Variants in RPL37 observed in about 807,000 individuals in gnomAD.
RPL37 encodes the protein ribosomal protein L37, also known as large ribosomal subunit protein eL37.
In RPL37, 1 loss-of-function variant was observed where a neutral mutation model predicts 14.8. That is an observed-to-expected ratio of 0.07 (90% CI 0.02 to 0.32). RPL37 has a LOEUF of 0.32. RPL37 is among the 10% of genes least tolerant of loss of function. The pLI, the probability that RPL37 is intolerant of heterozygous loss-of-function variation, is 1.00. For synonymous variants in RPL37, 53 were observed against 45.8 expected (o/e 1.16, Z -0.63); for missense variants, 100 against 128.3 (o/e 0.78, Z 1.06).
rs1345547176 is a variant in RPL37 at position 40,827,407 on chromosome 5, C to A, written c.*5097G>T. On this transcript the variant is annotated 3_prime_UTR_variant, in exon 4 of 4. Transcript: ENST00000274242. ...CACACCCAAGCTATAATTAAGATTA[C>A]CTTCTGACGATTACATAGGACTGCA... The A allele has an allele frequency of 6.6e-6, 1 of 152,196 alleles. No individual in the cohort carries two copies. The highest frequency in any genetic ancestry group is 1.5e-5 in the Non-Finnish European group (1 of 68,032). 9.4% of individuals were successfully genotyped at this position (152,196 alleles called of 1,614,324 possible). A position where few individuals can be genotyped will look rare whatever the true frequency, so the allele number is the denominator to read the frequency against.
In RPL37 at chr5:40,832,049, A is replaced by G; in HGVS notation, c.*455T>C. 2 of 169,880 alleles carry G rather than the reference A, an allele frequency of 1.2e-5. No individual in the cohort carries two copies. Among genetic ancestry groups the G allele is most frequent in the Admixed American group, 1.1e-4 (2 of 18,252 alleles). 10.5% of individuals were successfully genotyped at this position (169,880 alleles called of 1,614,324 possible). On this transcript the variant is annotated 3_prime_UTR_variant, in exon 4 of 4. Transcript: ENST00000274242. Reference sequence around the variant, plus strand: ...ATCTTTTGAAAAACAGAAGCCACCTAAACTCCTACCCATACGTTTCCAGTG... The same window carrying G: ...ATCTTTTGAAAAACAGAAGCCACCTGAACTCCTACCCATACGTTTCCAGTG...
In RPL37 at chr5:40,832,069, C is replaced by CGAAA. The variant is rs1427157109; in HGVS notation, c.*434_*435insTTTC. ...CACCTAAACTCCTACCCATACGTTT[C>CGAAA]CAGTGGTACTCCCAAGCTCTATGTG... On this transcript the variant is annotated 3_prime_UTR_variant, in exon 4 of 4. Coordinates refer to ENST00000274242, the MANE Select transcript of RPL37 (RefSeq NM_000997.5). The CGAAA allele has an allele frequency of 5.7e-6, 1 of 176,878 alleles. No homozygotes were observed. Among genetic ancestry groups the CGAAA allele is most frequent in the Non-Finnish European group, 1.2e-5 (1 of 80,422 alleles). The allele number at this position is 176,878 out of a possible 1,614,324, so 11.0% of individuals were successfully genotyped here.
chr5:40,834,948 G>A (rs1002149875), intron 1 of RPL37: 8 of 638,272 alleles, frequency 1.3e-5, no homozygotes, highest in Non-Finnish European at 1.9e-5. Flanking sequence ...GGTCTCCAAA[G>A]GTTGGACCGA....
At position 40,826,176 on chromosome 5, in the gene RPL37, CAAAG is replaced by C. The variant is rs1270288236; in HGVS notation, c.*6324_*6327del. 1 of 152,100 alleles carries C rather than the reference CAAAG, an allele frequency of 6.6e-6. No individual in the cohort carries two copies. The highest frequency in any genetic ancestry group is 1.5e-5 in the Non-Finnish European group (1 of 68,012). 9.4% of individuals were successfully genotyped at this position (152,100 alleles called of 1,614,324 possible). A position where few individuals can be genotyped will look rare whatever the true frequency, so the allele number is the denominator to read the frequency against. On this transcript the variant is annotated 3_prime_UTR_variant, in exon 4 of 4. Transcript: ENST00000274242. ...CAAATAATTTTAATCATTTTTAAGG[CAAAG>C]AAAATACTTTTTACATTTGCTAGAT...
Position 40,826,234 on chromosome 5 carries a change from C to CCT in RPL37, c.*6268_*6269dup, listed in dbSNP as rs1412922307. The CCT allele has an allele frequency of 6.6e-6, 1 of 152,100 alleles. No homozygotes were observed. The highest frequency in any genetic ancestry group is 6.5e-5 in the Admixed American group (1 of 15,274). 9.4% of individuals were successfully genotyped at this position (152,100 alleles called of 1,614,324 possible). A position where few individuals can be genotyped will look rare whatever the true frequency, so the allele number is the denominator to read the frequency against. ...TATTTGCAGAGCTACATAAATATAACCTTATTAGAATGGGATTTTTCCTAC... is the reference window on the plus strand; with the variant it reads ...TATTTGCAGAGCTACATAAATATAACCTCTTATTAGAATGGGATTTTTCCTAC... On this transcript the variant is annotated 3_prime_UTR_variant, in exon 4 of 4. Transcript: ENST00000274242.
intron 3 of RPL37, 190 bp downstream of exon 3, chr5:40,833,991 G>A (rs1745703075): frequency 1.7e-6 from 1 of 581,732 alleles, no homozygotes; most frequent in African/African-American, 1.9e-5. Context: ...GCTGCACTGA[G>A]CCGTGATCGT....
rs1437265687 is a variant in RPL37 at position 40,828,626 on chromosome 5, TAA to T, written c.*3876_*3877del. 6.6e-5 allele frequency: 10 copies of T among 152,226 alleles called. No individual in the cohort carries two copies. Among genetic ancestry groups the T allele is most frequent in the African/African-American group, 2.4e-4 (10 of 41,466 alleles). The allele number at this position is 152,226 out of a possible 1,614,324, so 9.4% of individuals were successfully genotyped here. Reference sequence around the variant, plus strand: ...TAACATGAGAGAGGTTTATGAAAAGTAAAGACTAGCCTAAATTTTGCCAAATC... The same window carrying T: ...TAACATGAGAGAGGTTTATGAAAAGTAGACTAGCCTAAATTTTGCCAAATC... On this transcript the variant is annotated 3_prime_UTR_variant, in exon 4 of 4. Coordinates refer to ENST00000274242, the MANE Select transcript of RPL37 (RefSeq NM_000997.5).
rs1292794655 is a variant in RPL37 at position 40,827,171 on chromosome 5, A to G, written c.*5333T>C. The G allele has an allele frequency of 6.6e-6, 1 of 152,268 alleles. No homozygotes were observed. The highest frequency in any genetic ancestry group is 1.5e-5 in the Non-Finnish European group (1 of 68,100). The allele number at this position is 152,268 out of a possible 1,614,324, so 9.4% of individuals were successfully genotyped here. On this transcript the variant is annotated 3_prime_UTR_variant, in exon 4 of 4. Coordinates refer to ENST00000274242, the MANE Select transcript of RPL37 (RefSeq NM_000997.5). ...GGTCATACAAATGCCTGAGACAGAA[A>G]AAGTCGATTTAATTATCTGCGGGGC... is the stretch of plus-strand genomic sequence containing the variant.
At chr5:40,835,003 T>G in intron 1 of RPL37, 180 bp downstream of exon 1, 1 of 775,230 alleles carries the variant, frequency 1.3e-6, no homozygotes, top group Non-Finnish European at 2.1e-6. Context: ...TACGGCGGGA[T>G]AGGTCCCCCA....
intron 3 of RPL37, among the ~76,000 whole-genome samples, chr5:40,833,485 G>A (rs185969507): frequency 2.2e-4 from 33 of 152,246 alleles, no homozygotes; most frequent in African/African-American, 7.7e-4. Context: ...CTAAGTCTAC[G>A]GCGGAGCTGA....
At chr5:40,833,925 T>C (rs1579794016) in intron 3 of RPL37, 3 of 474,692 alleles carry the variant, frequency 6.3e-6, no homozygotes, top group East Asian at 8.2e-5. Flanking sequence ...CGCACACCTG[T>C]AGTCCCGGGT....
At chr5:40,833,224 A>G (rs1745680512) in intron 3 of RPL37, among the ~76,000 whole-genome samples, 1 of 152,304 alleles carries the variant, frequency 6.6e-6, no homozygotes. Flanking sequence ...GCTATCTTTA[A>G]AACTGGACAC....
intron 3 of RPL37, chr5:40,832,855 T>C (rs1048205968): frequency 2.3e-6 from 1 of 441,270 alleles, no homozygotes; most frequent in Non-Finnish European, 4.3e-6. Context: ...TGTTCATATT[T>C]GGCAAGAGAT....
intron 1 of RPL37, 115 bp from the exon 2 acceptor site, chr5:40,834,721 C>A (rs890316206): frequency 8.4e-7 from 1 of 1,188,042 alleles, no homozygotes; most frequent in East Asian, 2.4e-5. Flanking sequence ...ATCGAAACTG[C>A]GGGAGAAGCC....
In RPL37 at chr5:40,832,203, C is replaced by A; in HGVS notation, c.*301G>T. 3.0e-6 allele frequency: 1 copy of A among 333,608 alleles called. No homozygotes were observed. The highest frequency in any genetic ancestry group is 3.5e-5 in the South Asian group (1 of 28,416). The allele number at this position is 333,608 out of a possible 1,614,324, so 20.7% of individuals were successfully genotyped here. On this transcript the variant is annotated 3_prime_UTR_variant, in exon 4 of 4. Transcript: ENST00000274242. ...TTACTCAAACATCTAAAATACCCAC[C>A]TATGCCACATGAGCTGTGCTATTTT...
Position 40,829,831 on chromosome 5 carries a change from CCCGG to C in RPL37, c.*2669_*2672del, listed in dbSNP as rs1310350742. 1 of 152,058 alleles carries C rather than the reference CCCGG, an allele frequency of 6.6e-6. No individual in the cohort carries two copies. The highest frequency in any genetic ancestry group is 1.5e-5 in the Non-Finnish European group (1 of 68,064). The allele number at this position is 152,058 out of a possible 1,614,324, so 9.4% of individuals were successfully genotyped here. A position where few individuals can be genotyped will look rare whatever the true frequency, so the allele number is the denominator to read the frequency against. On this transcript the variant is annotated 3_prime_UTR_variant, in exon 4 of 4. Transcript: ENST00000274242. ...GGGATTACAGGCATGCACCACCACGCCCGGCTAATATTTTTGTATTTTTAGTAGA... is the reference window on the plus strand; with the variant it reads ...GGGATTACAGGCATGCACCACCACGCCTAATATTTTTGTATTTTTAGTAGA...
rs542886194 is a variant in RPL37, at chr5:40,835,137, G to A, written c.3+46C>T. On this transcript the variant is annotated intron_variant, in intron 1 of 3. Transcript: ENST00000274242. ...AGCACAGCAAACAGAGAGGCACAAAGGACGAGGATGGAACGCGATTCACAA... is the reference window on the plus strand; with the variant it reads ...AGCACAGCAAACAGAGAGGCACAAAAGACGAGGATGGAACGCGATTCACAA... 3.1e-6 allele frequency: 5 copies of A among 1,613,678 alleles called. No individual in the cohort carries two copies. The East Asian group carries it at 6.7e-5, about 22-fold the overall frequency.
intron 3 of RPL37, among the ~76,000 whole-genome samples, chr5:40,833,684 T>C (rs1745692169): frequency 6.6e-6 from 1 of 151,418 alleles, no homozygotes; most frequent in South Asian, 2.1e-4. Context: ...CTAATAAATA[T>C]CAACACTTTG....
Position 40,832,162 on chromosome 5 carries a change from T to C in RPL37, c.*342A>G, listed in dbSNP as rs1745654207. 3.7e-6 allele frequency: 1 copy of C among 271,474 alleles called. No individual in the cohort carries two copies. The highest frequency in any genetic ancestry group is 7.4e-6 in the Non-Finnish European group (1 of 134,844). The allele number at this position is 271,474 out of a possible 1,614,324, so 16.8% of individuals were successfully genotyped here. A position where few individuals can be genotyped will look rare whatever the true frequency, so the allele number is the denominator to read the frequency against. ...CATGTTGCTAAAGGTAATTTAAACA[T>C]CATACTCTTTCAAATTTACTCAAAC... On this transcript the variant is annotated 3_prime_UTR_variant, in exon 4 of 4. Transcript: ENST00000274242.
Sources: gnomAD v4.1 joint callset for allele counts (sites outside exome capture counted in the v4.1 genomes callset) on GRCh38, gnomAD v4.1.1 for gene constraint, MANE v1.5 for transcripts, NCBI Gene and HGNC (gene_info 2026-07-23, HGNC 2026-07-21) for gene names.